DENND2B: variants seen among roughly 807,000 people sequenced by gnomAD.
The protein encoded by DENND2B is DENN domain-containing protein 2B.
A neutral mutation model predicts 116.0 loss-of-function variants in DENND2B; 32 were observed. The observed-to-expected ratio is 0.28, with a 90% CI of 0.21 to 0.37. DENND2B has a LOEUF of 0.37. Ranked by LOEUF, DENND2B falls within the 10% of genes least tolerant of loss-of-function variation. The pLI, the probability that DENND2B is intolerant of heterozygous loss-of-function variation, is 1.00. For missense variants in DENND2B, 1,276 were observed against 1,477.7 expected, an observed-to-expected ratio of 0.86 and a Z score of 2.24; for synonymous variants, 588 against 583.9, an observed-to-expected ratio of 1.01 and a Z score of -0.10.
At chr11:8,778,576 CT>C (rs975204822) in intron 1 of DENND2B, among the ~76,000 whole-genome samples, 2 of 152,230 alleles carry the variant, frequency 1.3e-5, no homozygotes, top group African/African-American at 2.4e-5. Context: ...TGGCTTGCTG[CT>C]CCCCGCCTGC....
chr11:8,798,832 T>C (rs1180760810), intron 1 of DENND2B, among the ~76,000 whole-genome samples: 1 of 151,024 alleles, frequency 6.6e-6, no homozygotes, highest in Non-Finnish European at 1.5e-5. Context: ...CGGTTGCTTT[T>C]TTTTTTTTTT....
At chr11:8,886,698 G>A (rs145590492) in intron 1 of DENND2B, among the ~76,000 whole-genome samples, 8 of 151,670 alleles carry the variant, frequency 5.3e-5, no homozygotes, top group East Asian at 2.0e-4. Flanking sequence ...TGGTCTGTCC[G>A]TCACTTTTAA....
intron 1 of DENND2B, among the ~76,000 whole-genome samples, chr11:8,769,542 G>C (rs1183353981): frequency 6.6e-6 from 1 of 152,120 alleles, no homozygotes; most frequent in Admixed American, 6.5e-5. Context: ...TTACAGGTGT[G>C]AACCACTGCG....
At chr11:8,735,515 G>T (rs1321241563) in intron 2 of DENND2B, among the ~76,000 whole-genome samples, 1 of 152,242 alleles carries the variant, frequency 6.6e-6, no homozygotes, top group Non-Finnish European at 1.5e-5. Context: ...GATGCAGGTG[G>T]GAAAGGCCAC....
chr11:8,847,928 C>A (rs900730054), intron 3 of DENND2B, among the ~76,000 whole-genome samples: 1 of 152,100 alleles, frequency 6.6e-6, no homozygotes, highest in African/African-American at 2.4e-5. Flanking sequence ...GAACAAATGG[C>A]CTCAAATCTA....
At chr11:8,819,978 T>A (rs1441309653) in intron 4 of DENND2B, among the ~76,000 whole-genome samples, 1 of 152,232 alleles carries the variant, frequency 6.6e-6, no homozygotes, top group African/African-American at 2.4e-5. Flanking sequence ...TCTAAAATTA[T>A]TTAAAAGTAA....
At chr11:8,735,982 G>C (rs1424027676) in intron 2 of DENND2B, among the ~76,000 whole-genome samples, 3 of 152,202 alleles carry the variant, frequency 2.0e-5, no homozygotes, top group African/African-American at 4.8e-5. Flanking sequence ...ATTCTCCCCT[G>C]TTGGACAAGA....
At chr11:8,908,967 G>A (rs2064274024) in intron 1 of DENND2B, among the ~76,000 whole-genome samples, 1 of 151,984 alleles carries the variant, frequency 6.6e-6, no homozygotes, top group Non-Finnish European at 1.5e-5. Flanking sequence ...AATCCTAATG[G>A]CAACCCAATT....
At chr11:8,896,207 G>A (rs975812477) in intron 1 of DENND2B, among the ~76,000 whole-genome samples, 1 of 151,986 alleles carries the variant, frequency 6.6e-6, no homozygotes, top group African/African-American at 2.4e-5. Context: ...TTCCTGGAGT[G>A]GAAATACATT....
chr11:8,782,606 G>A (rs2058481023), intron 1 of DENND2B, among the ~76,000 whole-genome samples: 1 of 152,008 alleles, frequency 6.6e-6, no homozygotes, highest in Non-Finnish European at 1.5e-5. Flanking sequence ...GATATTGTTG[G>A]CCGGGCGCAG....
At chr11:8,761,564 G>C (rs1203665215) in intron 1 of DENND2B, among the ~76,000 whole-genome samples, 1 of 152,188 alleles carries the variant, frequency 6.6e-6, no homozygotes, top group Admixed American at 6.5e-5. Context: ...ATGCCGCCAA[G>C]CTTTTGTTCA....
At chr11:8,739,975 C>T (rs888377870) in intron 2 of DENND2B, among the ~76,000 whole-genome samples, 1 of 151,924 alleles carries the variant, frequency 6.6e-6, no homozygotes, top group African/African-American at 2.4e-5. Context: ...CACTTGAGCC[C>T]AGGAGTTGGA....
intron 2 of DENND2B, among the ~76,000 whole-genome samples, chr11:8,747,837 A>C (rs2051559478): frequency 6.6e-6 from 1 of 152,242 alleles, no homozygotes; most frequent in South Asian, 2.1e-4. Context: ...TAAGCTGCAA[A>C]GGAAAAGGAA....
At chr11:8,901,861 C>T (rs2064175014) in intron 1 of DENND2B, among the ~76,000 whole-genome samples, 1 of 152,104 alleles carries the variant, frequency 6.6e-6, no homozygotes, top group African/African-American at 2.4e-5. Context: ...TTCATTGAGA[C>T]TTGTTTTATG....
At chr11:8,720,181 G>T (rs1355234504) in intron 4 of DENND2B, among the ~76,000 whole-genome samples, 1 of 152,186 alleles carries the variant, frequency 6.6e-6, no homozygotes, top group African/African-American at 2.4e-5. Context: ...CACTGCTTTA[G>T]ATAGAGCTTT....
intron 1 of DENND2B, among the ~76,000 whole-genome samples, chr11:8,780,793 G>A (rs1176541485): frequency 2.0e-5 from 3 of 152,180 alleles, no homozygotes; most frequent in African/African-American, 7.2e-5. Flanking sequence ...CTGTTCAAGT[G>A]GTCCACGAGG....
At chr11:8,831,907 A>G (rs1173268136) in intron 4 of DENND2B, 1 of 152,204 alleles carries the variant, frequency 6.6e-6, no homozygotes, top group African/African-American at 2.4e-5. Context: ...CAGGGGCCAG[A>G]GGATGCCTTC....
At chr11:8,708,013 A>C in intron 11 of DENND2B, 159 bp from the exon 12 acceptor site, 1 of 1,526,956 alleles carries the variant, frequency 6.5e-7, no homozygotes. Context: ...CAGAGCCCTG[A>C]AGGAACAGCC....
chr11:8,734,791 CAAA>C (rs11339783), intron 2 of DENND2B, among the ~76,000 whole-genome samples: 7 of 98,508 alleles, frequency 7.1e-5, no homozygotes, highest in African/African-American at 2.6e-4. Context: ...ACAAGAGTCT[CAAA>C]AAAAAAAAAA....
Sources: gnomAD v4.1 joint callset for allele counts (sites outside exome capture counted in the v4.1 genomes callset) on GRCh38, gnomAD v4.1.1 for gene constraint, MANE v1.5 for transcripts, NCBI Gene and HGNC (gene_info 2026-07-23, HGNC 2026-07-21) for gene names.